C2CD5: variants seen among roughly 807,000 people sequenced by gnomAD.
The protein encoded by C2CD5 is C2 domain-containing protein 5.
Under a neutral mutation model 130.3 loss-of-function variants are expected in C2CD5, and 109 were observed. That is an observed-to-expected ratio of 0.84 (90% CI 0.72 to 0.98). C2CD5 has a LOEUF of 0.98. C2CD5 is among the 50% of genes least tolerant of loss of function. The pLI is 0.00. For missense variants in C2CD5, 996 were observed against 1,261.8 expected (o/e 0.79, Z 3.19); for synonymous variants, 454 against 429.2 (o/e 1.06, Z -0.71).
intron 9 of C2CD5, among the ~76,000 whole-genome samples, chr12:22,511,062 G>A (rs746931858): frequency 6.6e-6 from 1 of 150,894 alleles, no homozygotes; most frequent in Non-Finnish European, 1.5e-5. Flanking sequence ...CTCATCTCCC[G>A]AAAACCTAGC....
At chr12:22,467,786 T>C (rs1170007171) in intron 22 of C2CD5, among the ~76,000 whole-genome samples, 1 of 152,220 alleles carries the variant, frequency 6.6e-6, no homozygotes, top group Non-Finnish European at 1.5e-5. Context: ...CTCAAATTCT[T>C]ATTTTCTTGT....
At chr12:22,532,325 C>T (rs923251889) in intron 3 of C2CD5, among the ~76,000 whole-genome samples, 3 of 141,056 alleles carry the variant, frequency 2.1e-5, no homozygotes, top group African/African-American at 9.0e-5. Flanking sequence ...AGTGAAACTC[C>T]GTCTCAAAAA....
At chr12:22,518,399 A>C (rs1180736456) in intron 7 of C2CD5, among the ~76,000 whole-genome samples, 1 of 152,238 alleles carries the variant, frequency 6.6e-6, no homozygotes, top group Non-Finnish European at 1.5e-5. Context: ...GGGATAAAAA[A>C]TATCAAAAGG....
chr12:22,514,845 A>T, intron 8 of C2CD5: 1 of 264,806 alleles, frequency 3.8e-6, no homozygotes, highest in Non-Finnish European at 5.8e-6. Flanking sequence ...CCAATTATTT[A>T]ACTCTGACTA....
Position 22,525,638 on chromosome 12 carries a change from C to T in C2CD5, c.417G>A (p.Gln139=), listed in dbSNP as rs1950651269. Residue 139 remains glutamine, a synonymous_variant, in exon 5 of 27, where the codon CAG becomes CAA. Transcript: ENST00000446597. ...DLFNDLNRFR[Q]SSCGVKFFCT... The stretch of plus-strand genomic sequence containing the variant: ...AAAAGAATTTGACTCCACATGATGA[C>T]TGCCTAAATCGATTTAAATCATTGA... 6.3e-7 allele frequency: 1 copy of T among 1,576,460 alleles called. No individual in the cohort carries two copies. Among genetic ancestry groups the T allele is most frequent in the Non-Finnish European group, 8.7e-7 (1 of 1,146,166 alleles).
At chr12:22,517,950 A>G in intron 8 of C2CD5, 36 bp downstream of exon 8, 1 of 1,544,950 alleles carries the variant, frequency 6.5e-7, no homozygotes, top group African/African-American at 1.4e-5. Flanking sequence ...AAATTTTTAA[A>G]AAAGAAAAAA....
rs1472576596 is a variant in C2CD5, at chr12:22,457,023, T to TA, written c.2824dup (p.Tyr942LeufsTer6). On this transcript the variant is annotated frameshift_variant, in exon 25 of 27. Coordinates refer to ENST00000446597, the MANE Select transcript of C2CD5 (RefSeq NM_001286176.2). LOFTEE classifies it high-confidence loss of function. ...AAAAAACATGTTAATTATCCCAAGA[T>TA]ACTTAGTTATTTTTGCTCCAGGAAT... The TA allele has an allele frequency of 6.2e-7, 1 of 1,607,062 alleles. No homozygotes were observed.
chr12:22,459,508 T>TA lies in C2CD5; in HGVS notation c.2567dup (p.Pro857ThrfsTer10). On this transcript the variant is annotated frameshift_variant, in exon 23 of 27. Transcript: ENST00000446597. LOFTEE classifies it high-confidence loss of function. Reference sequence around the variant, plus strand: ...CAAACTCACCTCTCTGTGCAGCTGGTATACCTGAGTTAGAACTTGCACTCT... The same window carrying TA: ...CAAACTCACCTCTCTGTGCAGCTGGTAATACCTGAGTTAGAACTTGCACTCT... The TA allele has an allele frequency of 2.6e-6, 4 of 1,532,510 alleles. No homozygotes were observed. The highest frequency in any genetic ancestry group is 3.5e-6 in the Non-Finnish European group (4 of 1,143,718). 94.9% of individuals were successfully genotyped at this position (1,532,510 alleles called of 1,614,324 possible). A position where few individuals can be genotyped will look rare whatever the true frequency, so the allele number is the denominator to read the frequency against.
chr12:22,487,266 G>A (rs1945666230), intron 12 of C2CD5, among the ~76,000 whole-genome samples: 1 of 151,934 alleles, frequency 6.6e-6, no homozygotes, highest in South Asian at 2.1e-4. Flanking sequence ...GAGTGAACAG[G>A]CAACCTACAG....
chr12:22,484,634 AGGTTTAC>A, intron 13 of C2CD5, 56 bp downstream of exon 13: 2 of 840,576 alleles, frequency 2.4e-6, no homozygotes, highest in Non-Finnish European at 3.5e-6. Flanking sequence ...ACTTAAAAAT[AGGTTTAC>A]GGCTCCCTAT....
chr12:22,450,357 C>T (rs1938316170), intron 26 of C2CD5, among the ~76,000 whole-genome samples: 1 of 151,946 alleles, frequency 6.6e-6, no homozygotes, highest in Admixed American at 6.6e-5. Flanking sequence ...GACATGTATG[C>T]AACAAAGATT....
At chr12:22,538,550 G>A (rs1469111594) in intron 2 of C2CD5, among the ~76,000 whole-genome samples, 3 of 152,138 alleles carry the variant, frequency 2.0e-5, no homozygotes, top group Admixed American at 6.5e-5. Context: ...ATTGCAATGA[G>A]TCACTTAACG....
Position 22,471,151 on chromosome 12 carries a change from T to C in C2CD5, c.2359-240A>G, listed in dbSNP as rs776709606. Among the ~76,000 whole-genome samples the C allele has an allele frequency of 6.2e-4, 95 of 152,072 alleles. 1 individual carries two copies. Among genetic ancestry groups the C allele is most frequent in the Middle Eastern group, 3.4e-3 (1 of 294 alleles). ...ACCTTCTCTAAAAAATGGGAACTGG[T>C]GAAATCCCACATGATGGGTACAGAT... On this transcript the variant is annotated intron_variant, in intron 20 of 26. Transcript: ENST00000446597.
At chr12:22,451,758 T>C (rs74320061) in intron 26 of C2CD5, among the ~76,000 whole-genome samples, 1,645 of 151,888 alleles carry the variant, frequency 0.011, 28 homozygotes, top group African/African-American at 0.038. Flanking sequence ...TTGGGCATGT[T>C]AGGAGAGGTG....
intron 3 of C2CD5, 77 bp from the exon 4 acceptor site, chr12:22,527,969 G>A: frequency 1.3e-6 from 1 of 750,964 alleles, no homozygotes; most frequent in Admixed American, 3.2e-5. Context: ...TATATCAAAT[G>A]AAAAGGATGA....
chr12:22,470,992 G>T, intron 20 of C2CD5, 81 bp from the exon 21 acceptor site: 1 of 878,112 alleles, frequency 1.1e-6, no homozygotes, highest in Non-Finnish European at 1.8e-6. Flanking sequence ...TCAGTACCAC[G>T]GAACAACCTA....
In C2CD5 at chr12:22,525,626, TCCA is replaced by T; in HGVS notation, c.426_428del (p.Cys142_Gly143delinsTer). On this transcript the variant is annotated stop_gained and inframe_deletion, in exon 5 of 27. Transcript: ENST00000446597. LOFTEE classifies it high-confidence loss of function. ...TTTACTTACTGCAAAAGAATTTGACTCCACATGATGACTGCCTAAATCGATTTA... is the reference window on the plus strand; with the variant it reads ...TTTACTTACTGCAAAAGAATTTGACTCATGATGACTGCCTAAATCGATTTA... 1 of 1,541,290 alleles carries T rather than the reference TCCA, an allele frequency of 6.5e-7. No homozygotes were observed. Among genetic ancestry groups the T allele is most frequent in the Non-Finnish European group, 9.0e-7 (1 of 1,114,400 alleles).
chr12:22,544,284 G>C (rs1396494531), intron 1 of C2CD5, 36 bp downstream of exon 1: 7 of 694,210 alleles, frequency 1.0e-5, no homozygotes, highest in Admixed American at 7.8e-5. Flanking sequence ...GGGCGCGCGC[G>C]GGCGCCCGGC....
chr12:22,478,970 G>A (rs60418943), intron 14 of C2CD5, among the ~76,000 whole-genome samples: 3,190 of 152,232 alleles, frequency 0.021, 105 homozygotes, highest in African/African-American at 0.072. Context: ...CTGGTAATAA[G>A]CGTTGGTTTC....
Sources: allele counts gnomAD v4.1 joint callset (sites outside exome capture counted in the v4.1 genomes callset), GRCh38; gene constraint gnomAD v4.1.1; transcripts MANE v1.5; gene names NCBI Gene and HGNC (gene_info 2026-07-23, HGNC 2026-07-21).